Variants in PTPRD observed in about 807,000 individuals in gnomAD.
PTPRD encodes receptor-type tyrosine-protein phosphatase delta.
PTPRD carries 34 observed loss-of-function variants against 214.5 expected under a neutral mutation model. The observed-to-expected ratio is 0.16, with a 90% CI of 0.12 to 0.21. The LOEUF (loss-of-function observed/expected upper bound fraction) is 0.21, where lower values mean the gene tolerates loss of function less well. PTPRD is among the 10% of genes least tolerant of loss of function. The pLI is 1.00. For missense variants in PTPRD, 2,545 were observed against 2,398.7 expected, an observed-to-expected ratio of 1.06 and a Z score of -1.27; for synonymous variants, 1,128 against 845.7, an observed-to-expected ratio of 1.33 and a Z score of -5.79.
intron 5 of PTPRD, among the ~76,000 whole-genome samples, chr9:9,862,801 G>C (rs1019618029): frequency 2.2e-4 from 33 of 152,046 alleles, no homozygotes; most frequent in Non-Finnish European, 4.4e-5. Context: ...TTTAAGAAAA[G>C]TATCTACAAT....
intron 5 of PTPRD, among the ~76,000 whole-genome samples, chr9:9,810,331 A>G (rs1202999953): frequency 6.6e-6 from 1 of 152,106 alleles, no homozygotes; most frequent in Non-Finnish European, 1.5e-5. Context: ...AAAGGATGCC[A>G]TCTAGCACTC....
chr9:9,930,610 A>AT (rs1158167245), intron 5 of PTPRD, among the ~76,000 whole-genome samples: 3 of 152,138 alleles, frequency 2.0e-5, no homozygotes, highest in Admixed American at 6.5e-5. Context: ...ATATAATGTA[A>AT]TTTTTATTAA....
intron 8 of PTPRD, among the ~76,000 whole-genome samples, chr9:9,499,116 A>T (rs777705276): frequency 3.2e-4 from 49 of 152,116 alleles, no homozygotes; most frequent in Non-Finnish European, 5.3e-4. Flanking sequence ...ATCAACAATG[A>T]GCATAGATTG....
chr9:8,955,119 A>T (rs974713652), intron 11 of PTPRD, among the ~76,000 whole-genome samples: 1 of 151,940 alleles, frequency 6.6e-6, no homozygotes, highest in East Asian at 1.9e-4. Flanking sequence ...GAAGAGAGAG[A>T]GCTGAAGTGG....
chr9:9,994,566 A>C (rs1309764974), intron 4 of PTPRD, among the ~76,000 whole-genome samples: 5 of 152,196 alleles, frequency 3.3e-5, no homozygotes, highest in Non-Finnish European at 5.9e-5. Context: ...GACAAAGAAC[A>C]GTGTCCTTTG....
intron 3 of PTPRD, among the ~76,000 whole-genome samples, chr9:10,129,618 G>C (rs2098844680): frequency 6.6e-6 from 1 of 150,740 alleles, no homozygotes; most frequent in African/African-American, 2.4e-5. Context: ...TGACAACCAG[G>C]TCTGAACCTC....
chr9:9,014,658 A>C (rs1183872552), intron 11 of PTPRD, among the ~76,000 whole-genome samples: 2 of 152,176 alleles, frequency 1.3e-5, no homozygotes, highest in African/African-American at 4.8e-5. Flanking sequence ...ATCAAGCAGT[A>C]TATTTACATG....
At chr9:10,390,302 C>T (rs1318202464) in intron 2 of PTPRD, among the ~76,000 whole-genome samples, 1 of 151,814 alleles carries the variant, frequency 6.6e-6, no homozygotes, top group Non-Finnish European at 1.5e-5. Context: ...ACATCACCTC[C>T]ATTTCATTAT....
chr9:10,603,902 T>G (rs983297997), intron 2 of PTPRD, among the ~76,000 whole-genome samples: 2 of 151,860 alleles, frequency 1.3e-5, no homozygotes, highest in Admixed American at 6.6e-5. Context: ...ACATATGAGC[T>G]GCAGATTATT....
intron 4 of PTPRD, among the ~76,000 whole-genome samples, chr9:9,964,261 C>A (rs749538498): frequency 6.6e-6 from 1 of 152,050 alleles, no homozygotes; most frequent in Admixed American, 6.6e-5. Flanking sequence ...AATATTTAAC[C>A]GCTACTAGGA....
intron 5 of PTPRD, among the ~76,000 whole-genome samples, chr9:9,896,951 T>C (rs1450618997): frequency 6.6e-6 from 1 of 152,018 alleles, no homozygotes; most frequent in Non-Finnish European, 1.5e-5. Flanking sequence ...TCTCAAAGCT[T>C]TCTGTAGTTT....
chr9:8,893,901 C>A (rs1161220260), intron 11 of PTPRD, among the ~76,000 whole-genome samples: 3 of 151,536 alleles, frequency 2.0e-5, no homozygotes, highest in Non-Finnish European at 1.5e-5. Context: ...TCCCACAGAA[C>A]AATTTTATAT....
intron 4 of PTPRD, among the ~76,000 whole-genome samples, chr9:9,993,150 A>C (rs996812063): frequency 1.3e-5 from 2 of 152,172 alleles, no homozygotes; most frequent in Non-Finnish European, 2.9e-5. Context: ...TGAGTTGGCA[A>C]AGATGTGGAG....
chr9:8,993,940 G>C (rs2099387024), intron 11 of PTPRD, among the ~76,000 whole-genome samples: 1 of 152,104 alleles, frequency 6.6e-6, no homozygotes, highest in East Asian at 1.9e-4. Context: ...TATTTGATAA[G>C]TGTTCAAGAC....
chr9:9,065,091 C>A (rs1042962234), intron 10 of PTPRD, among the ~76,000 whole-genome samples: 1 of 152,090 alleles, frequency 6.6e-6, no homozygotes, highest in Admixed American at 6.6e-5. Flanking sequence ...GGGGATATAA[C>A]AATATATACA....
chr9:9,024,993 A>G (rs1241059641), intron 10 of PTPRD, among the ~76,000 whole-genome samples: 5 of 151,962 alleles, frequency 3.3e-5, no homozygotes, highest in Non-Finnish European at 7.4e-5. Context: ...CTTCATTTTT[A>G]TTACCCCATT....
intron 8 of PTPRD, among the ~76,000 whole-genome samples, chr9:9,475,887 A>G (rs752404900): frequency 1.3e-5 from 2 of 152,178 alleles, no homozygotes; most frequent in Admixed American, 1.3e-4. Context: ...GCTTTGGCCT[A>G]TGTTATATAT....
At chr9:9,342,709 T>A (rs2047271422) in intron 9 of PTPRD, among the ~76,000 whole-genome samples, 1 of 15,178 alleles carries the variant, frequency 6.6e-5, no homozygotes, top group Non-Finnish European at 1.0e-4. Flanking sequence ...ATCTCTGACT[T>A]TTTTTTTTTT....
At chr9:8,732,033 G>T (rs992681464) in intron 12 of PTPRD, among the ~76,000 whole-genome samples, 1 of 152,162 alleles carries the variant, frequency 6.6e-6, no homozygotes, top group South Asian at 2.1e-4. Context: ...GCTAACAAGG[G>T]CCTTTGTGAT....
Sources: gnomAD v4.1 joint callset for allele counts (sites outside exome capture counted in the v4.1 genomes callset) on GRCh38, gnomAD v4.1.1 for gene constraint, MANE v1.5 for transcripts, NCBI Gene and HGNC (gene_info 2026-07-23, HGNC 2026-07-21) for gene names.